MINDY4: variants seen among roughly 807,000 people sequenced by gnomAD.
MINDY4 encodes the protein MINDY lysine 48 deubiquitinase 4.
A neutral mutation model predicts 87.0 loss-of-function variants in MINDY4; 68 were observed. That is an observed-to-expected ratio of 0.78 (90% CI 0.64 to 0.96). The LOEUF is 0.96. Ranked by LOEUF, MINDY4 falls within the 40% of genes least tolerant of loss-of-function variation. MINDY4 has a pLI of 0.00. For synonymous variants in MINDY4, 379 were observed against 363.2 expected, an observed-to-expected ratio of 1.04 and a Z score of -0.50; for missense variants, 919 against 928.2, an observed-to-expected ratio of 0.99 and a Z score of 0.13.
chr7:30,861,596 C>T (rs527767932), intron 13 of MINDY4, among the ~76,000 whole-genome samples: 1 of 152,354 alleles, frequency 6.6e-6, no homozygotes, highest in East Asian at 1.9e-4. Flanking sequence ...TGACTCTCTA[C>T]TCCTCTGAAT....
chr7:30,863,684 A>G (rs564028528), intron 13 of MINDY4, among the ~76,000 whole-genome samples: 20 of 152,266 alleles, frequency 1.3e-4, no homozygotes, highest in African/African-American at 4.8e-4. Context: ...GCTGCCGACC[A>G]CTGCCTGCCT....
At chr7:30,883,417 C>T (rs1188456143) in intron 17 of MINDY4, among the ~76,000 whole-genome samples, 1 of 152,114 alleles carries the variant, frequency 6.6e-6, no homozygotes, top group Non-Finnish European at 1.5e-5. Context: ...GCAGGAGGTG[C>T]TGCCTGGAGC....
intron 15 of MINDY4, among the ~76,000 whole-genome samples, chr7:30,876,428 C>G (rs1174426162): frequency 6.6e-6 from 1 of 152,178 alleles, no homozygotes; most frequent in African/African-American, 2.4e-5. Flanking sequence ...TTCAACACAT[C>G]TTTTTGGAGG....
At chr7:30,828,552 C>A in intron 5 of MINDY4, 127 bp from the exon 6 acceptor site, 1 of 938,028 alleles carries the variant, frequency 1.1e-6, no homozygotes, top group Non-Finnish European at 1.7e-6. Context: ...TCAAGGCACA[C>A]AGAGGCAAGG....
intron 13 of MINDY4, among the ~76,000 whole-genome samples, chr7:30,863,117 G>A (rs1034633122): frequency 3.3e-5 from 5 of 152,060 alleles, no homozygotes. Flanking sequence ...CCAGATGATC[G>A]CCGAGGGCCT....
At chr7:30,790,387 C>G (rs1455074871) in intron 4 of MINDY4, among the ~76,000 whole-genome samples, 1 of 152,164 alleles carries the variant, frequency 6.6e-6, no homozygotes, top group Non-Finnish European at 1.5e-5. Context: ...TAAGCAGCCT[C>G]ACAGCAGTTA....
Position 30,875,511 on chromosome 7 carries a change from TC to T in MINDY4, c.1828del (p.Leu610Ter). On this transcript the variant is annotated frameshift_variant, in exon 15 of 18. Coordinates refer to ENST00000265299, the MANE Select transcript of MINDY4 (RefSeq NM_032222.3). LOFTEE classifies it high-confidence loss of function. The part of the protein sequence containing the change: ...GYCTQELVNL[L>X]LTGKAVSNVF... ...CATCTGCAGGAACTTGTCAATCTGCTCCTGACTGGGAAAGCTGTGTCCAACG... is the reference window on the plus strand; with the variant it reads ...CATCTGCAGGAACTTGTCAATCTGCTCTGACTGGGAAAGCTGTGTCCAACG... 1 of 1,614,238 alleles carries T rather than the reference TC, an allele frequency of 6.2e-7. No homozygotes were observed. Among genetic ancestry groups the T allele is most frequent in the Non-Finnish European group, 8.5e-7 (1 of 1,180,046 alleles).
chr7:30,778,664 C>A (rs1786902915), intron 2 of MINDY4, 113 bp downstream of exon 2: 4 of 1,277,056 alleles, frequency 3.1e-6, no homozygotes, highest in South Asian at 2.6e-5. Flanking sequence ...TGGCCTGTCA[C>A]ACTTGCGGTC....
At chr7:30,794,110 A>G (rs1787407889) in intron 5 of MINDY4, among the ~76,000 whole-genome samples, 1 of 152,152 alleles carries the variant, frequency 6.6e-6, no homozygotes, top group Non-Finnish European at 1.5e-5. Context: ...TGTAGTGCAC[A>G]TACTACACAA....
rs1329190509 is a variant in MINDY4, at chr7:30,892,169, C to G, written c.*164C>G. 3 of 686,044 alleles carry G rather than the reference C, an allele frequency of 4.4e-6. No individual in the cohort carries two copies. The highest frequency in any genetic ancestry group is 7.6e-6 in the Non-Finnish European group (3 of 396,892). 42.5% of individuals were successfully genotyped at this position (686,044 alleles called of 1,614,324 possible). A position where few individuals can be genotyped will look rare whatever the true frequency, so the allele number is the denominator to read the frequency against. On this transcript the variant is annotated 3_prime_UTR_variant, in exon 18 of 18. Coordinates refer to ENST00000265299, the MANE Select transcript of MINDY4 (RefSeq NM_032222.3). ...CCTGCCCCTTCCATGAAGGGCCCAC[C>G]CAAGACTGTGCTGGGGACCCAGTGT...
chr7:30,837,446 T>TA (rs1754545610), intron 7 of MINDY4, among the ~76,000 whole-genome samples: 1 of 152,198 alleles, frequency 6.6e-6, no homozygotes, highest in Admixed American at 6.5e-5. Context: ...TCTTCCTACT[T>TA]ACTACATATT....
intron 5 of MINDY4, among the ~76,000 whole-genome samples, chr7:30,812,341 A>C (rs1299666877): frequency 6.6e-6 from 1 of 152,122 alleles, no homozygotes; most frequent in Non-Finnish European, 1.5e-5. Flanking sequence ...ATTTGTCACT[A>C]TAAGTGAAGG....
chr7:30,828,783 G>T, intron 6 of MINDY4, 46 bp downstream of exon 6: 1 of 1,599,818 alleles, frequency 6.3e-7, no homozygotes. Context: ...AGGGCCCAAG[G>T]GGTCCTCGTT....
At chr7:30,791,077 C>G in intron 4 of MINDY4, 88 bp from the exon 5 acceptor site, 1 of 1,260,740 alleles carries the variant, frequency 7.9e-7, no homozygotes, top group Non-Finnish European at 1.1e-6. Flanking sequence ...GGAGAGACAT[C>G]ACATCATGGG....
chr7:30,793,821 C>G (rs1007576777), intron 5 of MINDY4, among the ~76,000 whole-genome samples: 12 of 152,168 alleles, frequency 7.9e-5, no homozygotes, highest in Non-Finnish European at 1.2e-4. Context: ...TTCACACTTC[C>G]TCCGTTAGGG....
chr7:30,824,775 T>A (rs1409400282), intron 5 of MINDY4, among the ~76,000 whole-genome samples: 1 of 152,084 alleles, frequency 6.6e-6, no homozygotes, highest in African/African-American at 2.4e-5. Context: ...GGTCTTGATA[T>A]GTTGCCCAGG....
intron 5 of MINDY4, among the ~76,000 whole-genome samples, chr7:30,792,627 T>C (rs1191747410): frequency 1.3e-5 from 2 of 152,206 alleles, no homozygotes; most frequent in Non-Finnish European, 2.9e-5. Context: ...TATGTGTGTT[T>C]TAAATTTATT....
chr7:30,816,010 G>T (rs986080157), intron 5 of MINDY4, among the ~76,000 whole-genome samples: 1 of 152,014 alleles, frequency 6.6e-6, no homozygotes, highest in African/African-American at 2.4e-5. Flanking sequence ...ACTTACCAGG[G>T]GCCTTGGGAA....
intron 6 of MINDY4, among the ~76,000 whole-genome samples, chr7:30,829,717 G>C (rs1261780566): frequency 6.6e-6 from 1 of 152,336 alleles, no homozygotes; most frequent in Admixed American, 6.5e-5. Context: ...GTAGATGTCT[G>C]TGCATGGCTG....
Sources: gnomAD v4.1 joint callset for allele counts (sites outside exome capture counted in the v4.1 genomes callset) on GRCh38, gnomAD v4.1.1 for gene constraint, MANE v1.5 for transcripts, NCBI Gene and HGNC (gene_info 2026-07-23, HGNC 2026-07-21) for gene names.